The following TIAM1 variants were observed in gnomAD, a reference collection of about 807,000 sequenced individuals.
The protein encoded by TIAM1 is rho guanine nucleotide exchange factor TIAM1.
In TIAM1, 65 loss-of-function variants were observed where a neutral mutation model predicts 163.5. The ratio of observed to expected loss-of-function variants is 0.40; its 90% CI spans 0.33 to 0.49. TIAM1 has a LOEUF of 0.49. Ranked by LOEUF, TIAM1 falls within the 20% of genes least tolerant of loss-of-function variation. The pLI is 0.77. For missense variants in TIAM1, 1,789 were observed against 2,044.7 expected (o/e 0.87, Z 2.41); for synonymous variants, 833 against 810.1 (o/e 1.03, Z -0.48).
intron 1 of TIAM1, among the ~76,000 whole-genome samples, chr21:31,492,249 A>T (rs2046494252): frequency 6.6e-6 from 1 of 152,180 alleles, no homozygotes; most frequent in African/African-American, 2.4e-5. Context: ...AGCTAAAAAG[A>T]TTTTAAAAAG....
At chr21:31,211,664 T>G (rs939278288) in intron 10 of TIAM1, among the ~76,000 whole-genome samples, 2 of 152,226 alleles carry the variant, frequency 1.3e-5, no homozygotes, top group Non-Finnish European at 2.9e-5. Context: ...AGAGTTGCTT[T>G]AGCAGATAAG....
chr21:31,419,019 G>A (rs1211244593), intron 2 of TIAM1, among the ~76,000 whole-genome samples: 1 of 152,072 alleles, frequency 6.6e-6, no homozygotes, highest in African/African-American at 2.4e-5. Context: ...TGGTCTCCAC[G>A]AGATCTGCCG....
rs557329449 is a variant in TIAM1 at position 31,157,383 on chromosome 21, A to T, written c.2992-2957T>A. Among the ~76,000 whole-genome samples the T allele has an allele frequency of 1.3e-4, 20 of 152,374 alleles. No individual in the cohort carries two copies. In the East Asian group the frequency reaches 3.9e-3, roughly 29 times the overall value. ...CCATCATGCAGTTCAAAAACTAGCA[A>T]GAACAACTTTGGCAGGATCTCTGAA... On this transcript the variant is annotated intron_variant, in intron 16 of 27. Coordinates refer to ENST00000541036, the MANE Select transcript of TIAM1 (RefSeq NM_001353694.2).
At chr21:31,546,186 TTA>T (rs1491553202) in intron 1 of TIAM1, among the ~76,000 whole-genome samples, 29 of 76,782 alleles carry the variant, frequency 3.8e-4, no homozygotes, top group African/African-American at 1.5e-3. Context: ...TATTTGTAAT[TTA>T]AAAAAAAAAA....
At chr21:31,522,622 G>A (rs2047641696) in intron 1 of TIAM1, among the ~76,000 whole-genome samples, 1 of 152,138 alleles carries the variant, frequency 6.6e-6, no homozygotes, top group African/African-American at 2.4e-5. Context: ...CCTGGGCTGG[G>A]CCTCAGGCTT....
chr21:31,277,296 C>A (rs2073340152), intron 2 of TIAM1, among the ~76,000 whole-genome samples: 1 of 152,206 alleles, frequency 6.6e-6, no homozygotes, highest in African/African-American at 2.4e-5. Context: ...CCACCAGCAC[C>A]ATGATAGTTT....
At chr21:31,539,604 T>C (rs1227248277) in intron 1 of TIAM1, among the ~76,000 whole-genome samples, 1 of 152,090 alleles carries the variant, frequency 6.6e-6, no homozygotes, top group Non-Finnish European at 1.5e-5. Context: ...TTCTGCTCAG[T>C]TTAGCAGAGT....
At chr21:31,410,646 G>C (rs536597719) in intron 2 of TIAM1, among the ~76,000 whole-genome samples, 1 of 151,728 alleles carries the variant, frequency 6.6e-6, no homozygotes, top group Admixed American at 6.6e-5. Context: ...CTATGTGTAA[G>C]TGTGTGTGCT....
intron 1 of TIAM1, among the ~76,000 whole-genome samples, chr21:31,525,145 C>T (rs1320994672): frequency 2.6e-5 from 4 of 151,706 alleles, no homozygotes; most frequent in Non-Finnish European, 5.9e-5. Context: ...TTTGGGAGGC[C>T]GATCACCTGA....
chr21:31,422,282 G>A (rs541790322), intron 2 of TIAM1, among the ~76,000 whole-genome samples: 36 of 152,294 alleles, frequency 2.4e-4, no homozygotes, highest in African/African-American at 8.4e-4. Flanking sequence ...TTACTTTACA[G>A]CTCCGTCTCA....
chr21:31,252,223 G>A, intron 4 of TIAM1, 34 bp from the exon 5 acceptor site: 1 of 1,580,848 alleles, frequency 6.3e-7, no homozygotes, highest in Non-Finnish European at 8.6e-7. Context: ...AAGAAGACAA[G>A]CGTCACGTGG....
chr21:31,522,840 AT>A (rs965255966), intron 1 of TIAM1, among the ~76,000 whole-genome samples: 3 of 152,136 alleles, frequency 2.0e-5, no homozygotes, highest in Non-Finnish European at 4.4e-5. Context: ...TTAAAACAAC[AT>A]TTTTTTCTCA....
chr21:31,280,864 T>C (rs1006163768), intron 2 of TIAM1, among the ~76,000 whole-genome samples: 2 of 151,324 alleles, frequency 1.3e-5, no homozygotes, highest in Admixed American at 1.3e-4. Flanking sequence ...CCTGTAACCA[T>C]AGTGCTTTGG....
intron 8 of TIAM1, among the ~76,000 whole-genome samples, chr21:31,222,707 A>ATTTTTTTTTTTTTTT (rs527864043): frequency 3.0e-5 from 1 of 32,892 alleles, no homozygotes; most frequent in Non-Finnish European, 4.8e-5. Context: ...ATATATATAT[A>ATTTTTTTTTTTTTTT]TTTTTTTTTT....
intron 15 of TIAM1, among the ~76,000 whole-genome samples, chr21:31,178,638 C>G (rs115442626): frequency 3.3e-5 from 5 of 151,908 alleles, no homozygotes; most frequent in African/African-American, 9.7e-5. Context: ...AATTTTGAAG[C>G]CAGTTTAGAA....
chr21:31,189,898 C>T (rs1252045799), intron 13 of TIAM1, among the ~76,000 whole-genome samples: 1 of 152,152 alleles, frequency 6.6e-6, no homozygotes, highest in Non-Finnish European at 1.5e-5. Flanking sequence ...AAAGTCAGAT[C>T]TATTTCTTTT....
chr21:31,186,393 G>A (rs1032221237), intron 14 of TIAM1, among the ~76,000 whole-genome samples: 1 of 152,122 alleles, frequency 6.6e-6, no homozygotes. Flanking sequence ...CCCATGCTCT[G>A]CTCCAGGAAG....
intron 2 of TIAM1, among the ~76,000 whole-genome samples, chr21:31,338,990 C>T (rs1339496775): frequency 2.0e-5 from 3 of 152,078 alleles, no homozygotes; most frequent in East Asian, 1.9e-4. Context: ...CAGAGGATTA[C>T]CCGCAGCCAA....
intron 1 of TIAM1, among the ~76,000 whole-genome samples, chr21:31,482,403 C>T (rs1269501420): frequency 6.6e-6 from 1 of 152,112 alleles, no homozygotes; most frequent in African/African-American, 2.4e-5. Flanking sequence ...CCACCCACCT[C>T]AGCCTCCCAA....
Sources: gnomAD v4.1 joint callset for allele counts (sites outside exome capture counted in the v4.1 genomes callset) on GRCh38, gnomAD v4.1.1 for gene constraint, MANE v1.5 for transcripts, NCBI Gene and HGNC (gene_info 2026-07-23, HGNC 2026-07-21) for gene names.